Variants in AGMO observed in about 807,000 individuals in gnomAD.
The protein encoded by AGMO is glyceryl-ether monooxygenase.
A neutral mutation model predicts 60.2 loss-of-function variants in AGMO; 75 were observed. The ratio of observed to expected loss-of-function variants is 1.25; its 90% CI spans 1.03 to 1.51. The LOEUF (loss-of-function observed/expected upper bound fraction) is 1.51, where lower values mean the gene tolerates loss of function less well. Ranked by LOEUF, AGMO falls within the 40% of genes most tolerant of loss-of-function variation. AGMO has a pLI of 0.00. For synonymous variants in AGMO, 261 were observed against 177.1 expected (o/e 1.47, Z -3.76); for missense variants, 763 against 525.5 (o/e 1.45, Z -4.42).
chr7:15,409,127 AC>A (rs1784776439), intron 5 of AGMO, among the ~76,000 whole-genome samples: 1 of 151,742 alleles, frequency 6.6e-6, no homozygotes, highest in Non-Finnish European at 1.5e-5. Context: ...AGGAATTTAG[AC>A]TTTATTCAGT....
At chr7:15,296,091 A>G (rs561016910) in intron 12 of AGMO, among the ~76,000 whole-genome samples, 1 of 152,316 alleles carries the variant, frequency 6.6e-6, no homozygotes, top group Admixed American at 6.5e-5. Context: ...ATGTAGAAAT[A>G]ATTTGACTTA....
At chr7:15,212,863 T>A (rs1333340552) in intron 12 of AGMO, among the ~76,000 whole-genome samples, 1 of 151,960 alleles carries the variant, frequency 6.6e-6, no homozygotes, top group South Asian at 2.1e-4. Context: ...TACAAAGTTG[T>A]TGCAATGTTC....
chr7:15,356,925 T>A (rs1188792528), intron 12 of AGMO, among the ~76,000 whole-genome samples: 17 of 131,950 alleles, frequency 1.3e-4, no homozygotes, highest in Non-Finnish European at 1.9e-4. Flanking sequence ...CTGGCCAACA[T>A]GGCGAAATCC....
chr7:15,213,259 A>T (rs1038813134), intron 12 of AGMO, among the ~76,000 whole-genome samples: 2 of 151,900 alleles, frequency 1.3e-5, no homozygotes, highest in Non-Finnish European at 2.9e-5. Flanking sequence ...TATCCTAGAA[A>T]AAACATTGGC....
chr7:15,429,493 G>C (rs1452177053), intron 4 of AGMO, among the ~76,000 whole-genome samples: 1 of 151,988 alleles, frequency 6.6e-6, no homozygotes, highest in Non-Finnish European at 1.5e-5. Flanking sequence ...GTCTTTATAG[G>C]AGCATTGCCC....
chr7:15,151,616 T>G, the AGMO span, among the ~76,000 whole-genome samples: 1 of 152,300 alleles, frequency 6.6e-6, no homozygotes, highest in African/African-American at 2.4e-5. Flanking sequence ...TGTATGGTTT[T>G]GAGAAATATT....
At position 15,384,996 on chromosome 7, in the gene AGMO, A is replaced by T. The variant is rs183367687; in HGVS notation, c.1074+450T>A. Among the ~76,000 whole-genome samples, 21 of 152,212 alleles carry T rather than the reference A, an allele frequency of 1.4e-4. 1 individual carries two copies. The highest frequency in any genetic ancestry group is 3.4e-3 in the Middle Eastern group (1 of 294). On this transcript the variant is annotated intron_variant, in intron 10 of 12. Transcript: ENST00000342526. ...CTATTTGCACCAGACAAATTGGAAT[A>T]TTCTGAATGTTTCAGAAATGTCAAA...
chr7:15,508,732 GA>G (rs879928759), intron 3 of AGMO, among the ~76,000 whole-genome samples: 250 of 124,360 alleles, frequency 2.0e-3, no homozygotes, highest in Middle Eastern at 0.013. Context: ...ACTTCGTATA[GA>G]AAAAAAAAAA....
chr7:15,158,778 T>C, the AGMO span, among the ~76,000 whole-genome samples: 1,260 of 152,262 alleles, frequency 8.3e-3, 18 homozygotes, highest in African/African-American at 0.029. Context: ...ATCTCCTTTC[T>C]AGAGGGAGAT....
the AGMO span, among the ~76,000 whole-genome samples, chr7:15,124,113 T>C: frequency 2.0e-5 from 3 of 152,094 alleles, no homozygotes; most frequent in African/African-American, 7.2e-5. Flanking sequence ...CTCACAGCCA[T>C]TGTTTCCCAC....
chr7:15,515,889 G>A (rs552324831), intron 3 of AGMO, among the ~76,000 whole-genome samples: 1 of 152,290 alleles, frequency 6.6e-6, no homozygotes, highest in South Asian at 2.1e-4. Context: ...ATGTGCATAG[G>A]AGTAGTTGGG....
intron 12 of AGMO, among the ~76,000 whole-genome samples, chr7:15,324,836 G>A (rs1387670633): frequency 6.6e-6 from 1 of 152,024 alleles, no homozygotes; most frequent in East Asian, 1.9e-4. Context: ...TGATCTGACA[G>A]GAGGCAGAGC....
At chr7:15,252,127 G>T (rs1782956410) in intron 12 of AGMO, among the ~76,000 whole-genome samples, 1 of 152,192 alleles carries the variant, frequency 6.6e-6, no homozygotes, top group Non-Finnish European at 1.5e-5. Context: ...AGGAAAGGGG[G>T]TTTGTTAACT....
intron 10 of AGMO, among the ~76,000 whole-genome samples, chr7:15,367,417 C>T (rs1189082444): frequency 6.6e-6 from 1 of 151,630 alleles, no homozygotes; most frequent in Non-Finnish European, 1.5e-5. Flanking sequence ...TGTTACATTC[C>T]CAATAACTTG....
At chr7:15,261,911 T>C (rs1783284304) in intron 12 of AGMO, among the ~76,000 whole-genome samples, 1 of 151,880 alleles carries the variant, frequency 6.6e-6, no homozygotes, top group Non-Finnish European at 1.5e-5. Flanking sequence ...CACATGATAA[T>C]CTCAATAGAT....
chr7:15,415,112 G>C (rs1245190772), intron 5 of AGMO, among the ~76,000 whole-genome samples: 1 of 151,996 alleles, frequency 6.6e-6, no homozygotes, highest in Non-Finnish European at 1.5e-5. Context: ...AAAAAATAGT[G>C]AACTTCAAAA....
intron 5 of AGMO, chr7:15,396,019 T>C (rs1469775449): frequency 6.6e-6 from 1 of 152,140 alleles, no homozygotes; most frequent in South Asian, 2.1e-4. Flanking sequence ...CATCATCATC[T>C]CCCTATTAAG....
rs1184065273 is a variant in AGMO, at chr7:15,207,186, T to A, written c.1264-5827A>T. Among the ~76,000 whole-genome samples the A allele has an allele frequency of 2.6e-5, 4 of 152,178 alleles. No individual in the cohort carries two copies. In the East Asian group the frequency reaches 7.7e-4, roughly 29 times the overall value. ...AGAGGTCTCCAGAGCCTACCCATAA[T>A]TCAGAGAATATACTTTAATACGGTT... On this transcript the variant is annotated intron_variant, in intron 12 of 12. Transcript: ENST00000342526.
At chr7:15,449,136 A>T (rs897101405) in intron 3 of AGMO, among the ~76,000 whole-genome samples, 7 of 152,186 alleles carry the variant, frequency 4.6e-5, no homozygotes, top group African/African-American at 1.7e-4. Flanking sequence ...ACCTTCATAC[A>T]AAAAGGTAAA....
Sources: gnomAD v4.1 joint callset for allele counts (sites outside exome capture counted in the v4.1 genomes callset) on GRCh38, gnomAD v4.1.1 for gene constraint, MANE v1.5 for transcripts, NCBI Gene and HGNC (gene_info 2026-07-23, HGNC 2026-07-21) for gene names.